Variants in PCDHGA12 observed in about 807,000 individuals in gnomAD.
PCDHGA12 encodes protocadherin gamma subfamily A, 12, also known as protocadherin gamma-A12.
PCDHGA12 carries 43 observed loss-of-function variants against 61.1 expected under a neutral mutation model. The observed-to-expected ratio is 0.70, with a 90% CI of 0.55 to 0.91. The LOEUF (loss-of-function observed/expected upper bound fraction) is 0.91, where lower values mean the gene tolerates loss of function less well. Among genes scored for constraint, PCDHGA12 ranks in the 40% least tolerant of loss-of-function variants. The pLI, the probability that PCDHGA12 is intolerant of heterozygous loss-of-function variation, is 0.00. For missense variants in PCDHGA12, 1,236 were observed against 1,227.7 expected (o/e 1.01, Z -0.10); for synonymous variants, 520 against 542.9 (o/e 0.96, Z 0.59).
In PCDHGA12 at chr5:141,489,185, T is replaced by G; in HGVS notation, c.2425-5622T>G. The G allele has an allele frequency of 7.8e-7, 1 of 1,286,838 alleles. No individual in the cohort carries two copies. The highest frequency in any genetic ancestry group is 1.5e-5 in the African/African-American group (1 of 67,216). 79.7% of individuals were successfully genotyped at this position (1,286,838 alleles called of 1,614,324 possible). On this transcript the variant is annotated intron_variant, in intron 1 of 3. Transcript: ENST00000252085. The surrounding 1 kb of genome is among the most constrained non-coding windows in gnomAD (Gnocchi z 4.5). The stretch of plus-strand genomic sequence containing the variant: ...CAGCTGCTGCATTCCAAGCCCTGGG[T>G]CTACCTTGGAGACAGGACAGCACAG...
chr5:141,450,006 C>CTATTTTTTT (rs70988802), intron 1 of PCDHGA12, among the ~76,000 whole-genome samples: 8 of 132,970 alleles, frequency 6.0e-5, no homozygotes, highest in African/African-American at 8.4e-5. Context: ...TGCCATGTCT[C>CTATTTTTTT]TTTTTTTTTT....
chr5:141,454,908 C>T (rs1370482009), intron 1 of PCDHGA12, among the ~76,000 whole-genome samples: 3 of 145,392 alleles, frequency 2.1e-5, no homozygotes, highest in Non-Finnish European at 4.5e-5. Context: ...CCCGGGTTCA[C>T]GCCATTCTCC....
chr5:141,482,205 C>A (rs1478729653), intron 1 of PCDHGA12, among the ~76,000 whole-genome samples: 1 of 151,896 alleles, frequency 6.6e-6, no homozygotes, highest in Non-Finnish European at 1.5e-5. Context: ...TAAAACAGAC[C>A]AGGTACTTGT....
chr5:141,469,314 C>T (rs982242861), intron 1 of PCDHGA12, among the ~76,000 whole-genome samples: 3 of 152,100 alleles, frequency 2.0e-5, no homozygotes, highest in Admixed American at 1.3e-4. Context: ...CGATGGCTCA[C>T]GCCTGTAATC....
chr5:141,487,750 T>A lies in PCDHGA12; in HGVS notation c.2425-7057T>A, dbSNP rs2099664307. On this transcript the variant is annotated intron_variant, in intron 1 of 3. Coordinates refer to ENST00000252085, the MANE Select transcript of PCDHGA12 (RefSeq NM_003735.3). The surrounding 1 kb of genome is among the most constrained non-coding windows in gnomAD (Gnocchi z 5.0). Reference sequence around the variant, plus strand: ...TCACCATTTTTGTAAGAGGTAACTATGTGGTAGACGCTGTGCTTTGTAACT... The same window carrying A: ...TCACCATTTTTGTAAGAGGTAACTAAGTGGTAGACGCTGTGCTTTGTAACT... 1 of 1,555,392 alleles carries A rather than the reference T, an allele frequency of 6.4e-7. No homozygotes were observed. Among genetic ancestry groups the A allele is most frequent in the African/African-American group, 1.4e-5 (1 of 73,376 alleles).
intron 2 of PCDHGA12, among the ~76,000 whole-genome samples, chr5:141,503,800 C>T (rs756250566): frequency 1.3e-5 from 2 of 151,994 alleles, no homozygotes; most frequent in South Asian, 2.1e-4. Flanking sequence ...TACTTAGGGA[C>T]GGGGAATCCC....
chr5:141,431,389 G>T lies in PCDHGA12; in HGVS notation c.630G>T (p.Leu210=), dbSNP rs1213370298. 1 of 1,613,876 alleles carries T rather than the reference G, an allele frequency of 6.2e-7. No homozygotes were observed. Among genetic ancestry groups the T allele is most frequent in the Admixed American group, 1.7e-5 (1 of 60,028 alleles). Residue 210 remains leucine (L), a synonymous_variant, in exon 1 of 4, where the codon CTG becomes CTT. Transcript: ENST00000252085. This position sits in a 1 kb window ranked among gnomAD's most constrained non-coding sequence, Gnocchi z 4.8. ...GCGAAGAAAAGGCTGCTCACCACCT[G>T]GTCCTTACGGCCTCCGACGGGGGCG... ...LDREEKAAHH[L]VLTASDGGDP...
chr5:141,469,510 G>T (rs1022804863), intron 1 of PCDHGA12, among the ~76,000 whole-genome samples: 3 of 152,118 alleles, frequency 2.0e-5, no homozygotes, highest in African/African-American at 7.2e-5. Context: ...GGGAGGTGGA[G>T]GTTGCAGTGA....
chr5:141,487,135 A>G lies in PCDHGA12; in HGVS notation c.2425-7672A>G. 6.2e-7 allele frequency: 1 copy of G among 1,613,544 alleles called. No individual in the cohort carries two copies. The highest frequency in any genetic ancestry group is 8.5e-7 in the Non-Finnish European group (1 of 1,179,856). ...TGGTAAAGGATAGTGGTAGTCCACC[A>G]CTCTCTACCTCTGTTACTCTCTTAG... On this transcript the variant is annotated intron_variant, in intron 1 of 3. Transcript: ENST00000252085. The surrounding 1 kb of genome is among the most constrained non-coding windows in gnomAD (Gnocchi z 5.0).
At chr5:141,497,956 C>T (rs2099780659) in intron 2 of PCDHGA12, among the ~76,000 whole-genome samples, 1 of 152,214 alleles carries the variant, frequency 6.6e-6, no homozygotes, top group African/African-American at 2.4e-5. Flanking sequence ...TTCTGTTGGC[C>T]AGGCAGTGTT....
intron 1 of PCDHGA12, among the ~76,000 whole-genome samples, chr5:141,472,026 G>C (rs2099269805): frequency 6.6e-6 from 1 of 152,108 alleles, no homozygotes; most frequent in Non-Finnish European, 1.5e-5. Context: ...ATTGTATGTA[G>C]AAAGCTGTGA....
rs141397385 is a variant in PCDHGA12 at position 141,476,135 on chromosome 5, A to C, written c.2425-18672A>C. 8.4e-4 allele frequency: 1,352 copies of C among 1,608,526 alleles called. 1 individual carries two copies. Among genetic ancestry groups the C allele is most frequent in the Non-Finnish European group, 1.1e-3 (1,319 of 1,178,332 alleles). On this transcript the variant is annotated intron_variant, in intron 1 of 3. Transcript: ENST00000252085. This position sits in a 1 kb window ranked among gnomAD's most constrained non-coding sequence, Gnocchi z 7.6. ...GAGTGAGATGGTCCCAGAGGCCTGG[A>C]GGAGCGGACTGGTAAGCACCGGGAG...
chr5:141,493,021 G>C lies in PCDHGA12; in HGVS notation c.2425-1786G>C, dbSNP rs1261539371. On this transcript the variant is annotated intron_variant, in intron 1 of 3. Transcript: ENST00000252085. This position sits in a 1 kb window ranked among gnomAD's most constrained non-coding sequence, Gnocchi z 4.3. ...AGCTATAGGCTCTGCCAGATGCCAG[G>C]GTGCCCTTATGTGTGAGGAAACTAC... Among the ~76,000 whole-genome samples, 1 of 152,180 alleles carries C rather than the reference G, an allele frequency of 6.6e-6. No individual in the cohort carries two copies. The highest frequency in any genetic ancestry group is 6.5e-5 in the Admixed American group (1 of 15,284).
In PCDHGA12 at chr5:141,475,486, T is replaced by C. The variant is rs576743657; in HGVS notation, c.2425-19321T>C. Among the ~76,000 whole-genome samples, 14 of 152,370 alleles carry C rather than the reference T, an allele frequency of 9.2e-5. No homozygotes were observed. In the East Asian group the frequency reaches 2.7e-3, roughly 29 times the overall value. On this transcript the variant is annotated intron_variant, in intron 1 of 3. Transcript: ENST00000252085. ...AATGCTAATTTCATTTGGTAAGAGA[T>C]AAAACTGAAATTATTAATGTCTCCA...
At chr5:141,461,409 A>G (rs572412049) in intron 1 of PCDHGA12, among the ~76,000 whole-genome samples, 1 of 151,928 alleles carries the variant, frequency 6.6e-6, no homozygotes, top group East Asian at 1.9e-4. Flanking sequence ...GCATTTTTTC[A>G]TATGTTTGTG....
intron 1 of PCDHGA12, among the ~76,000 whole-genome samples, chr5:141,449,607 A>G (rs1279835785): frequency 1.3e-5 from 2 of 149,984 alleles, no homozygotes; most frequent in African/African-American, 4.9e-5. Flanking sequence ...AAAAAAAAAA[A>G]GTAAAAAAGT....
At chr5:141,459,831 G>A (rs907978430) in intron 1 of PCDHGA12, among the ~76,000 whole-genome samples, 1 of 152,150 alleles carries the variant, frequency 6.6e-6, no homozygotes, top group Admixed American at 6.6e-5. Context: ...CTTTTCATGT[G>A]TTGTCTATTT....
intron 1 of PCDHGA12, among the ~76,000 whole-genome samples, chr5:141,468,868 A>T (rs1006995156): frequency 9.2e-5 from 14 of 151,794 alleles, no homozygotes; most frequent in African/African-American, 2.4e-4. Flanking sequence ...TCCATCTCAA[A>T]AATAATAATA....
In PCDHGA12 at chr5:141,432,112, C is replaced by T; in HGVS notation, c.1353C>T (p.Val451=). ...CAGACACCAACGACAACCCGCCGGT[C>T]TTCCCTCAGGCCTCCTATTCCGCTT... ...NVADTNDNPP[V]FPQASYSAYI... The change falls in exon 1 of 4, where the codon GTC becomes GTT. Residue 451 remains valine (V), a synonymous_variant. Transcript: ENST00000252085. The surrounding 1 kb of genome is among the most constrained non-coding windows in gnomAD (Gnocchi z 6.0). 1 of 1,614,186 alleles carries T rather than the reference C, an allele frequency of 6.2e-7. No individual in the cohort carries two copies. The highest frequency in any genetic ancestry group is 8.5e-7 in the Non-Finnish European group (1 of 1,180,042).
Sources: allele counts gnomAD v4.1 joint callset (sites outside exome capture counted in the v4.1 genomes callset), GRCh38; gene constraint gnomAD v4.1.1; non-coding constraint Gnocchi (gnomAD v3.1); transcripts MANE v1.5; gene names NCBI Gene and HGNC (gene_info 2026-07-23, HGNC 2026-07-21).